FAF1: variants seen among roughly 807,000 people sequenced by gnomAD.
FAF1 encodes FAS-associated factor 1.
In FAF1, 25 loss-of-function variants were observed where a neutral mutation model predicts 92.5. The observed-to-expected ratio is 0.27, with a 90% CI of 0.20 to 0.38. The LOEUF (loss-of-function observed/expected upper bound fraction) is 0.38. Among genes scored for constraint, FAF1 ranks in the 10% least tolerant of loss-of-function variants. The probability of loss-of-function intolerance (pLI) is 1.00; values close to 1 mark genes in which losing one functional copy is unlikely to be tolerated. For synonymous variants in FAF1, 234 were observed against 273.2 expected (o/e 0.86, Z 1.42); for missense variants, 636 against 793.3 (o/e 0.80, Z 2.38).
chr1:50,618,235 T>C (rs964159163), intron 8 of FAF1, among the ~76,000 whole-genome samples: 1 of 152,092 alleles, frequency 6.6e-6, no homozygotes, highest in Non-Finnish European at 1.5e-5. Flanking sequence ...TAATGTTAAA[T>C]TGTTAATTTT....
intron 1 of FAF1, among the ~76,000 whole-genome samples, chr1:50,914,567 T>G (rs1332047669): frequency 6.6e-6 from 1 of 152,248 alleles, no homozygotes; most frequent in Non-Finnish European, 1.5e-5. Flanking sequence ...ATGCTTAGGC[T>G]ACTGAAAAAC....
At chr1:50,623,597 G>A (rs566698951) in intron 8 of FAF1, among the ~76,000 whole-genome samples, 4 of 150,240 alleles carry the variant, frequency 2.7e-5, no homozygotes, top group Non-Finnish European at 4.4e-5. Flanking sequence ...AAGAAAGAAA[G>A]AAAAGAAAAA....
chr1:50,519,766 T>C (rs947282922), intron 15 of FAF1, among the ~76,000 whole-genome samples: 2 of 152,176 alleles, frequency 1.3e-5, no homozygotes, highest in African/African-American at 4.8e-5. Flanking sequence ...AACCATCAAT[T>C]GGAAAAGTAC....
At chr1:50,837,825 C>T (rs1644222400) in intron 2 of FAF1, among the ~76,000 whole-genome samples, 1 of 151,618 alleles carries the variant, frequency 6.6e-6, no homozygotes, top group Admixed American at 6.6e-5. Flanking sequence ...CTCACTGCAA[C>T]CTCTGCCTCC....
chr1:50,819,594 C>A (rs1375423488), intron 2 of FAF1, among the ~76,000 whole-genome samples: 3 of 147,510 alleles, frequency 2.0e-5, no homozygotes, highest in African/African-American at 7.6e-5. Context: ...CCACCATACT[C>A]CAGCCTGGTC....
intron 3 of FAF1, among the ~76,000 whole-genome samples, chr1:50,792,742 C>A (rs1211467642): frequency 6.6e-6 from 1 of 152,172 alleles, no homozygotes; most frequent in African/African-American, 2.4e-5. Flanking sequence ...TTGAAAAACT[C>A]TGTGGTGACT....
intron 1 of FAF1, among the ~76,000 whole-genome samples, chr1:50,864,072 T>C (rs1367441423): frequency 5.9e-5 from 9 of 151,272 alleles, no homozygotes; most frequent in African/African-American, 1.7e-4. Context: ...TTTTTTATTG[T>C]GTCTATTTGA....
chr1:50,849,413 A>G (rs1314162282), intron 2 of FAF1, among the ~76,000 whole-genome samples: 2 of 152,156 alleles, frequency 1.3e-5, no homozygotes, highest in Non-Finnish European at 2.9e-5. Flanking sequence ...TAGTTCCTTT[A>G]CATTTTTAGA....
chr1:50,578,129 G>A (rs1572846260), intron 12 of FAF1, among the ~76,000 whole-genome samples: 1 of 152,138 alleles, frequency 6.6e-6, no homozygotes, highest in African/African-American at 2.4e-5. Flanking sequence ...GAGTATATAA[G>A]TTCAAAAAGC....
chr1:50,807,589 T>C (rs149939282), intron 2 of FAF1, among the ~76,000 whole-genome samples: 3 of 152,226 alleles, frequency 2.0e-5, no homozygotes, highest in African/African-American at 4.8e-5. Flanking sequence ...CAATTCAACA[T>C]GGGATTTGGG....
At chr1:50,661,437 C>G (rs1317908263) in intron 7 of FAF1, among the ~76,000 whole-genome samples, 2 of 152,110 alleles carry the variant, frequency 1.3e-5, no homozygotes, top group South Asian at 4.1e-4. Flanking sequence ...GTAATCAGTG[C>G]TTTAGTTTCT....
At chr1:50,876,227 T>C (rs1157973192) in intron 1 of FAF1, among the ~76,000 whole-genome samples, 3 of 152,272 alleles carry the variant, frequency 2.0e-5, no homozygotes, top group Non-Finnish European at 4.4e-5. Flanking sequence ...GAACATTCCA[T>C]ACAGAGAAAA....
intron 1 of FAF1, among the ~76,000 whole-genome samples, chr1:50,859,946 T>G (rs1644419246): frequency 6.6e-6 from 1 of 151,716 alleles, no homozygotes; most frequent in South Asian, 2.1e-4. Context: ...TAAAGCTGCT[T>G]GCACAACTAC....
At chr1:50,618,779 C>T (rs1323390887) in intron 8 of FAF1, among the ~76,000 whole-genome samples, 2 of 149,508 alleles carry the variant, frequency 1.3e-5, no homozygotes, top group Admixed American at 6.7e-5. Context: ...GACAGAGTCT[C>T]ACTCTGTCGC....
rs573543575 is a variant in FAF1 at position 50,750,002 on chromosome 1, A to G, written c.368-5227T>C. The stretch of plus-strand genomic sequence containing the variant: ...TTACAATTAATGAGATAACATACAC[A>G]TAAGTGCCTAGCATAGTACCTGGGC... On this transcript the variant is annotated intron_variant, in intron 4 of 18. Transcript: ENST00000396153. 2.3e-3 allele frequency among the ~76,000 whole-genome samples: 344 copies of G among 152,320 alleles called. 2 individuals are homozygous for G. Among genetic ancestry groups the G allele is most frequent in the African/African-American group, 7.7e-3 (320 of 41,562 alleles).
At chr1:50,651,090 T>C (rs1654842909) in intron 8 of FAF1, among the ~76,000 whole-genome samples, 1 of 152,198 alleles carries the variant, frequency 6.6e-6, no homozygotes. Flanking sequence ...CTGAAGTCTA[T>C]TAGGTTCATA....
chr1:50,907,917 T>C (rs1489679597), intron 1 of FAF1, among the ~76,000 whole-genome samples: 2 of 152,176 alleles, frequency 1.3e-5, no homozygotes, highest in Non-Finnish European at 2.9e-5. Flanking sequence ...CTGCTAGCTT[T>C]TGAATGTGTT....
chr1:50,831,732 A>C (rs775530192), intron 2 of FAF1, among the ~76,000 whole-genome samples: 36 of 151,954 alleles, frequency 2.4e-4, no homozygotes, highest in Non-Finnish European at 4.1e-4. Flanking sequence ...GATGGAATTA[A>C]AGTAAGGATT....
intron 18 of FAF1, among the ~76,000 whole-genome samples, chr1:50,472,467 G>A (rs1349586144): frequency 6.7e-6 from 1 of 149,804 alleles, no homozygotes; most frequent in Non-Finnish European, 1.5e-5. Context: ...ACTTGAATCA[G>A]TTTTCTGGGG....
Sources: allele counts gnomAD v4.1 joint callset (sites outside exome capture counted in the v4.1 genomes callset), GRCh38; gene constraint gnomAD v4.1.1; transcripts MANE v1.5; gene names NCBI Gene and HGNC (gene_info 2026-07-23, HGNC 2026-07-21).